TRIO: variants seen among roughly 807,000 people sequenced by gnomAD.
The protein encoded by TRIO is triple functional domain protein.
A neutral mutation model predicts 351.9 loss-of-function variants in TRIO; 58 were observed. The observed-to-expected ratio is 0.16, with a 90% CI of 0.13 to 0.21. TRIO has a LOEUF of 0.21. Ranked by LOEUF, TRIO falls within the 10% of genes least tolerant of loss-of-function variation. The probability of loss-of-function intolerance (pLI) is 1.00; values close to 1 mark genes in which losing one functional copy is unlikely to be tolerated. For synonymous variants in TRIO, 1,758 were observed against 1,595.7 expected, an observed-to-expected ratio of 1.10 and a Z score of -2.42; for missense variants, 3,201 against 4,027.8, an observed-to-expected ratio of 0.79 and a Z score of 5.56.
At chr5:14,407,009 A>G (rs964853815) in intron 33 of TRIO, among the ~76,000 whole-genome samples, 8 of 152,206 alleles carry the variant, frequency 5.3e-5, no homozygotes, top group African/African-American at 1.9e-4. Flanking sequence ...AATCCTACAC[A>G]GAACACCAGC....
intron 10 of TRIO, among the ~76,000 whole-genome samples, chr5:14,336,177 T>G (rs576167582): frequency 1.3e-5 from 2 of 152,250 alleles, no homozygotes; most frequent in Admixed American, 6.5e-5. Flanking sequence ...GTGATAAAAC[T>G]GGAAGAAAAA....
chr5:14,316,023 A>C (rs1199580409), intron 8 of TRIO, among the ~76,000 whole-genome samples: 1 of 152,196 alleles, frequency 6.6e-6, no homozygotes, highest in Non-Finnish European at 1.5e-5. Context: ...CTAGTGCTAG[A>C]TTGATTTTTT....
rs16903343 is a variant in TRIO at position 14,263,658 on chromosome 5, A to T, written c.158-7167A>T. 4.9e-3 allele frequency among the ~76,000 whole-genome samples: 752 copies of T among 152,304 alleles called. 6 individuals are homozygous for T. The highest frequency in any genetic ancestry group is 0.016 in the African/African-American group (670 of 41,542). On this transcript the variant is annotated intron_variant, in intron 1 of 56. Transcript: ENST00000344204. ...CCCTCTGGTTCATTTGATACACACT[A>T]AATTTCTAAATGACTTTCCTGAGAC...
rs542932525 is a variant in TRIO, at chr5:14,375,214, A to G, written c.3331+871A>G. On this transcript the variant is annotated intron_variant, in intron 19 of 56. Transcript: ENST00000344204. ...GCTTTTTCTTCTGGAAAAATGTGCA[A>G]CTCACAAAAGCAACCGTTTTTCTGC... Among the ~76,000 whole-genome samples the G allele has an allele frequency of 8.5e-5, 13 of 152,334 alleles. 1 individual carries two copies. The highest frequency in any genetic ancestry group is 3.3e-4 in the Admixed American group (5 of 15,306).
At chr5:14,291,499 A>G (rs923057410) in intron 5 of TRIO, among the ~76,000 whole-genome samples, 2 of 151,788 alleles carry the variant, frequency 1.3e-5, no homozygotes, top group Non-Finnish European at 2.9e-5. Context: ...TTTTCACTTA[A>G]AAGAGTGAAC....
chr5:14,222,740 T>C (rs1325055089), intron 1 of TRIO, among the ~76,000 whole-genome samples: 1 of 152,232 alleles, frequency 6.6e-6, no homozygotes, highest in Non-Finnish European at 1.5e-5. Flanking sequence ...AACAATTCTC[T>C]GAGGGGCACC....
chr5:14,411,566 A>G (rs1749207625), intron 33 of TRIO, among the ~76,000 whole-genome samples: 2 of 150,578 alleles, frequency 1.3e-5, no homozygotes, highest in South Asian at 4.1e-4. Context: ...TAACATGAAT[A>G]TATGGATTCA....
At chr5:14,328,377 T>A (rs1740595236) in intron 9 of TRIO, among the ~76,000 whole-genome samples, 1 of 152,362 alleles carries the variant, frequency 6.6e-6, no homozygotes, top group East Asian at 1.9e-4. Context: ...GTTAAAGTAA[T>A]GTGCACTCAA....
At chr5:14,355,219 T>C (rs183067588) in intron 11 of TRIO, among the ~76,000 whole-genome samples, 1 of 152,346 alleles carries the variant, frequency 6.6e-6, no homozygotes, top group East Asian at 1.9e-4. Flanking sequence ...TTTGATTAAA[T>C]ATTTTGACTC....
rs1027552174 is a variant in TRIO, at chr5:14,488,276, G to T, written c.7632+16G>T. ...GAGCAACGGGGTAAGCGCGTCGGGG[G>T]GCCCGCGCCCTCCCGCCCCCCTGCC... is the stretch of plus-strand genomic sequence containing the variant. On this transcript the variant is annotated intron_variant, in intron 48 of 56. Transcript: ENST00000344204. 1.3e-6 allele frequency: 2 copies of T among 1,540,412 alleles called. No homozygotes were observed. The highest frequency in any genetic ancestry group is 1.9e-5 in the Admixed American group (1 of 52,318).
intron 27 of TRIO, among the ~76,000 whole-genome samples, chr5:14,393,805 G>A (rs1364127051): frequency 6.6e-6 from 1 of 152,176 alleles, no homozygotes; most frequent in Non-Finnish European, 1.5e-5. Context: ...CAATTGAACA[G>A]TAAGGTAGAT....
intron 18 of TRIO, among the ~76,000 whole-genome samples, chr5:14,372,484 T>A (rs1212125381): frequency 6.6e-6 from 1 of 152,112 alleles, no homozygotes; most frequent in Non-Finnish European, 1.5e-5. Flanking sequence ...TAATAACTGT[T>A]TTTTAGGAAT....
intron 34 of TRIO, among the ~76,000 whole-genome samples, chr5:14,460,120 G>A (rs139826677): frequency 0.049 from 7,501 of 152,110 alleles, 340 homozygotes; most frequent in African/African-American, 0.12. Context: ...GTTTCACCAT[G>A]TTAGCCAGGA....
At chr5:14,402,039 A>T (rs937356215) in intron 31 of TRIO, among the ~76,000 whole-genome samples, 2 of 152,150 alleles carry the variant, frequency 1.3e-5, no homozygotes, top group African/African-American at 4.8e-5. Context: ...CATATGTGAT[A>T]GTGGGTTGTT....
intron 8 of TRIO, among the ~76,000 whole-genome samples, chr5:14,305,130 C>T (rs190629952): frequency 2.0e-5 from 3 of 152,346 alleles, no homozygotes; most frequent in Non-Finnish European, 4.4e-5. Context: ...TTAATGCTCA[C>T]GTACTGTATC....
At chr5:14,428,877 G>C (rs918658595) in intron 34 of TRIO, among the ~76,000 whole-genome samples, 1 of 152,152 alleles carries the variant, frequency 6.6e-6, no homozygotes, top group Non-Finnish European at 1.5e-5. Context: ...GGGCCCTGAG[G>C]GGGTGACTCA....
At chr5:14,412,343 C>T (rs527486906) in intron 33 of TRIO, among the ~76,000 whole-genome samples, 5 of 152,024 alleles carry the variant, frequency 3.3e-5, no homozygotes, top group South Asian at 2.1e-4. Flanking sequence ...TGTCAAGTGA[C>T]GTTCTACACT....
chr5:14,361,672 T>C (rs983698690), intron 13 of TRIO, among the ~76,000 whole-genome samples: 2 of 152,200 alleles, frequency 1.3e-5, no homozygotes, highest in African/African-American at 4.8e-5. Flanking sequence ...GAGTAGCGTC[T>C]CCATCTCAGA....
At chr5:14,400,808 G>A (rs1748008971) in intron 30 of TRIO, among the ~76,000 whole-genome samples, 155 bp from the exon 31 acceptor site, 1 of 152,198 alleles carries the variant, frequency 6.6e-6, no homozygotes, top group Non-Finnish European at 1.5e-5. Context: ...AGAACACAAT[G>A]TCCTCATTAT....
Sources: allele counts gnomAD v4.1 joint callset (sites outside exome capture counted in the v4.1 genomes callset), GRCh38; gene constraint gnomAD v4.1.1; transcripts MANE v1.5; gene names NCBI Gene and HGNC (gene_info 2026-07-23, HGNC 2026-07-21).